The following PRTFDC1 variants were observed in gnomAD, a reference collection of about 807,000 sequenced individuals.
PRTFDC1 encodes the protein phosphoribosyl transferase domain containing 1.
PRTFDC1 carries 38 observed loss-of-function variants against 34.6 expected under a neutral mutation model. That is an observed-to-expected ratio of 1.10 (90% CI 0.85 to 1.44). The LOEUF (loss-of-function observed/expected upper bound fraction) is 1.44. Among genes scored for constraint, PRTFDC1 ranks in the 40% most tolerant of loss-of-function variants. The pLI is 0.00. For synonymous variants in PRTFDC1, 93 were observed against 98.1 expected (o/e 0.95, Z 0.31); for missense variants, 270 against 283.0 (o/e 0.95, Z 0.33).
At position 24,914,420 on chromosome 10, in the gene PRTFDC1, G is replaced by A. The variant is rs150103467; in HGVS notation, c.339+22764C>T. On this transcript the variant is annotated intron_variant, in intron 3 of 8. Transcript: ENST00000320152. ...AAGCCAACACCCATGTGTACTGAGA[G>A]CTCTAATGTAAAAATACGTAAGGTT... Among the ~76,000 whole-genome samples, 913 of 152,270 alleles carry A rather than the reference G, an allele frequency of 6.0e-3. 5 individuals carry two copies. Among genetic ancestry groups the A allele is most frequent in the African/African-American group, 0.02 (847 of 41,558 alleles).
chr10:24,855,506 G>T (rs1565255687), intron 6 of PRTFDC1, 142 bp from the exon 7 acceptor site: 1 of 953,814 alleles, frequency 1.0e-6, no homozygotes, highest in East Asian at 2.5e-5. Flanking sequence ...ATAAAAAGAA[G>T]ACAGCAGGTC....
intron 3 of PRTFDC1, among the ~76,000 whole-genome samples, chr10:24,874,643 CTAAA>C (rs1333387719): frequency 1.3e-5 from 2 of 152,174 alleles, no homozygotes; most frequent in Non-Finnish European, 2.9e-5. Flanking sequence ...AATCAGATAA[CTAAA>C]TAATGTGCTA....
intron 1 of PRTFDC1, among the ~76,000 whole-genome samples, chr10:24,947,850 C>A (rs1273020599): frequency 6.6e-6 from 1 of 152,024 alleles, no homozygotes; most frequent in Non-Finnish European, 1.5e-5. Flanking sequence ...TTCTGGGATT[C>A]CTGTCCTAGC....
intron 3 of PRTFDC1, among the ~76,000 whole-genome samples, chr10:24,895,443 G>T (rs1427085441): frequency 6.6e-6 from 1 of 150,384 alleles, no homozygotes; most frequent in South Asian, 2.1e-4. Flanking sequence ...TAGAGATGGG[G>T]TTTCTCCATG....
At chr10:24,886,953 CTTCTTTT>C (rs543855261) in intron 3 of PRTFDC1, among the ~76,000 whole-genome samples, 1 of 105,644 alleles carries the variant, frequency 9.5e-6, no homozygotes, top group East Asian at 2.4e-4. Context: ...GTTAATACTC[CTTCTTTT>C]TTTTTTTTTT....
chr10:24,901,341 C>A (rs151284246), intron 3 of PRTFDC1, among the ~76,000 whole-genome samples: 142 of 152,146 alleles, frequency 9.3e-4, no homozygotes, highest in African/African-American at 3.3e-3. Flanking sequence ...ACCCAGCAGG[C>A]CTGAGAGAGT....
intron 4 of PRTFDC1, among the ~76,000 whole-genome samples, chr10:24,866,029 A>T (rs1847768201): frequency 1.3e-5 from 2 of 152,112 alleles, no homozygotes; most frequent in Admixed American, 1.3e-4. Context: ...GCCAAGGGGG[A>T]ACTTTTGGCA....
intron 3 of PRTFDC1, among the ~76,000 whole-genome samples, chr10:24,907,885 T>A (rs78848770): frequency 0.017 from 2,531 of 152,360 alleles, 46 homozygotes; most frequent in Non-Finnish European, 0.026. Flanking sequence ...AAGTGAAGTA[T>A]TCTAACTCAT....
intron 1 of PRTFDC1, among the ~76,000 whole-genome samples, chr10:24,946,300 A>T (rs1849249244): frequency 6.6e-6 from 1 of 152,178 alleles, no homozygotes. Context: ...AAGACACAGT[A>T]AAACCTATGG....
intron 3 of PRTFDC1, among the ~76,000 whole-genome samples, chr10:24,888,732 A>C (rs1222193887): frequency 6.6e-6 from 1 of 152,234 alleles, no homozygotes; most frequent in African/African-American, 2.4e-5. Flanking sequence ...TAGAAAGAAA[A>C]GGTATCAATG....
At position 24,952,557 on chromosome 10, in the gene PRTFDC1, C is replaced by A; in HGVS notation, c.19G>T (p.Glu7Ter). 6.3e-7 allele frequency: 1 copy of A among 1,592,218 alleles called. No homozygotes were observed. Among genetic ancestry groups the A allele is most frequent in the Non-Finnish European group, 8.6e-7 (1 of 1,169,312 alleles). Residue 7 changes from glutamate to a stop codon, truncating the protein, a stop_gained, in exon 1 of 9, where the codon GAG becomes TAG. Coordinates refer to ENST00000320152, the MANE Select transcript of PRTFDC1 (RefSeq NM_020200.7). LOFTEE classifies it high-confidence loss of function. This position sits in a 1 kb window ranked among gnomAD's most constrained non-coding sequence, Gnocchi z 5.1. Reference sequence around the variant, plus strand: ...ACGCCTCGCCCGTAGTCTGGCGCCTCCTCGCTGCTCCCGGCCATGTTTCTC... The same window carrying A: ...ACGCCTCGCCCGTAGTCTGGCGCCTACTCGCTGCTCCCGGCCATGTTTCTC... Reference protein sequence around the residue: MAGSSEEAPDYGRGVVI... With the variant: MAGSSE
intron 3 of PRTFDC1, chr10:24,908,312 G>A: frequency 2.8e-6 from 2 of 720,368 alleles, no homozygotes; most frequent in Non-Finnish European, 4.3e-6. Flanking sequence ...TGTATTTCAA[G>A]GCAATATTTT....
At chr10:24,932,714 T>C (rs955475047) in intron 3 of PRTFDC1, among the ~76,000 whole-genome samples, 4 of 152,076 alleles carry the variant, frequency 2.6e-5, no homozygotes, top group South Asian at 2.1e-4. Context: ...TCCCCCCAAA[T>C]TGATCTATAG....
intron 3 of PRTFDC1, among the ~76,000 whole-genome samples, chr10:24,875,931 T>C (rs749639915): frequency 7.3e-5 from 11 of 150,844 alleles, no homozygotes; most frequent in Non-Finnish European, 1.6e-4. Flanking sequence ...TCATAGCTCA[T>C]TGCACCCTCG....
chr10:24,908,629 A>T, intron 3 of PRTFDC1: 1 of 1,612,256 alleles, frequency 6.2e-7, no homozygotes. Context: ...TATACCCTTG[A>T]CTGAAGGCCA....
At chr10:24,852,868 G>A (rs528270742) in intron 7 of PRTFDC1, among the ~76,000 whole-genome samples, 8 of 152,218 alleles carry the variant, frequency 5.3e-5, no homozygotes, top group African/African-American at 9.6e-5. Context: ...AGAAGAAAAC[G>A]ACTGGTTCAT....
intron 3 of PRTFDC1, among the ~76,000 whole-genome samples, chr10:24,892,597 A>G (rs1369654975): frequency 6.6e-6 from 1 of 152,120 alleles, no homozygotes; most frequent in African/African-American, 2.4e-5. Context: ...CTTACGGGAA[A>G]ATGACACCGA....
chr10:24,872,788 G>GTGTATATATATA (rs1200742472), intron 3 of PRTFDC1, among the ~76,000 whole-genome samples: 12 of 83,210 alleles, frequency 1.4e-4, no homozygotes, highest in East Asian at 6.9e-4. Context: ...GTGTGTGTGT[G>GTGTATATATATA]TATATATATA....
At chr10:24,885,082 T>C (rs1282600169) in intron 3 of PRTFDC1, among the ~76,000 whole-genome samples, 1 of 152,250 alleles carries the variant, frequency 6.6e-6, no homozygotes, top group East Asian at 1.9e-4. Flanking sequence ...CTGGCTCCTT[T>C]AGTCAATCTC....
Sources: allele counts gnomAD v4.1 joint callset (sites outside exome capture counted in the v4.1 genomes callset), GRCh38; gene constraint gnomAD v4.1.1; non-coding constraint Gnocchi (gnomAD v3.1); transcripts MANE v1.5; gene names NCBI Gene and HGNC (gene_info 2026-07-23, HGNC 2026-07-21).